Variants in C8B observed in about 807,000 individuals in gnomAD.
C8B encodes complement component C8 beta chain.
In C8B, 67 loss-of-function variants were observed where a neutral mutation model predicts 64.6. The ratio of observed to expected loss-of-function variants is 1.04; its 90% CI spans 0.85 to 1.27. The LOEUF is 1.27. C8B is among the 50% of genes most tolerant of loss of function. The pLI, the probability that C8B is intolerant of heterozygous loss-of-function variation, is 0.00. For missense variants in C8B, 790 were observed against 725.2 expected (o/e 1.09, Z -1.03); for synonymous variants, 284 against 257.7 (o/e 1.10, Z -0.98).
chr1:56,949,134 A>G (rs566622264), intron 6 of C8B, among the ~76,000 whole-genome samples: 12 of 152,270 alleles, frequency 7.9e-5, no homozygotes, highest in African/African-American at 2.4e-4. Context: ...TATATCTGGA[A>G]TGTCCCCTCC....
In C8B at chr1:56,929,216, C is replaced by CT; in HGVS notation, c.*187dup. The CT allele has an allele frequency of 1.5e-6, 1 of 646,120 alleles. No homozygotes were observed. The highest frequency in any genetic ancestry group is 2.8e-6 in the Non-Finnish European group (1 of 361,008). 40.0% of individuals were successfully genotyped at this position (646,120 alleles called of 1,614,324 possible). On this transcript the variant is annotated 3_prime_UTR_variant, in exon 12 of 12. Transcript: ENST00000371237. Reference sequence around the variant, plus strand: ...GTGAGGATTACAAAGATGCTTAAGCCTTTAACTCAGTATTTATTTAAATCA... The same window carrying CT: ...GTGAGGATTACAAAGATGCTTAAGCCTTTTAACTCAGTATTTATTTAAATCA...
intron 4 of C8B, among the ~76,000 whole-genome samples, chr1:56,954,430 G>T (rs1479719043): frequency 1.3e-5 from 2 of 152,194 alleles, no homozygotes; most frequent in Non-Finnish European, 2.9e-5. Context: ...AGCCTGTGTG[G>T]TTTCCACACA....
intron 2 of C8B, chr1:56,959,727 G>T: frequency 3.2e-6 from 3 of 923,726 alleles, no homozygotes; most frequent in Non-Finnish European, 4.9e-6. Context: ...CACTATGATT[G>T]CTTCCCCTGT....
At chr1:56,961,914 G>T (rs916516716) in intron 1 of C8B, among the ~76,000 whole-genome samples, 1 of 152,166 alleles carries the variant, frequency 6.6e-6, no homozygotes, top group Non-Finnish European at 1.5e-5. Context: ...CTACACACCA[G>T]TGGGGGGCTT....
intron 7 of C8B, 80 bp from the exon 8 acceptor site, chr1:56,943,904 C>T: frequency 6.5e-7 from 1 of 1,538,354 alleles, no homozygotes; most frequent in Middle Eastern, 1.7e-4. Context: ...GTCCAGAGGC[C>T]TAGCCCTGTT....
intron 10 of C8B, among the ~76,000 whole-genome samples, chr1:56,932,680 C>T (rs1428741151): frequency 2.0e-5 from 3 of 152,172 alleles, no homozygotes; most frequent in East Asian, 1.9e-4. Flanking sequence ...AGACATATTC[C>T]TCAATCCCAG....
chr1:56,937,504 C>T (rs1644792099), intron 9 of C8B, among the ~76,000 whole-genome samples: 1 of 152,124 alleles, frequency 6.6e-6, no homozygotes, highest in Admixed American at 6.5e-5. Flanking sequence ...CTGCCCTGGG[C>T]AATGCCAATA....
intron 5 of C8B, among the ~76,000 whole-genome samples, chr1:56,951,298 G>T (rs566834269): frequency 1.3e-5 from 2 of 152,012 alleles, no homozygotes; most frequent in Non-Finnish European, 2.9e-5. Context: ...TTCTAGTCTC[G>T]TCCCCCAGTT....
intron 2 of C8B, among the ~76,000 whole-genome samples, chr1:56,957,146 G>A (rs1000787260): frequency 9.2e-5 from 14 of 152,112 alleles, no homozygotes; most frequent in Non-Finnish European, 1.5e-5. Context: ...CTCTCTGAGG[G>A]CAGGGACCTT....
chr1:56,953,628 T>G (rs1447699683), intron 4 of C8B, among the ~76,000 whole-genome samples: 1 of 152,216 alleles, frequency 6.6e-6, no homozygotes, highest in African/African-American at 2.4e-5. Context: ...GTTAGTCACA[T>G]TCACTTGTTC....
intron 11 of C8B, among the ~76,000 whole-genome samples, chr1:56,930,754 GGTT>G (rs1178944070): frequency 6.6e-6 from 1 of 152,118 alleles, no homozygotes; most frequent in Non-Finnish European, 1.5e-5. Context: ...TACTTCATGG[GGTT>G]GTTGTGAGGA....
chr1:56,957,638 A>C (rs1017247200), intron 2 of C8B, among the ~76,000 whole-genome samples: 2 of 152,100 alleles, frequency 1.3e-5, no homozygotes, highest in Non-Finnish European at 1.5e-5. Flanking sequence ...CATCTTATGC[A>C]TTTATTCCAA....
At chr1:56,933,857 G>A (rs980069515) in intron 9 of C8B, among the ~76,000 whole-genome samples, 3 of 152,202 alleles carry the variant, frequency 2.0e-5, no homozygotes, top group Admixed American at 1.3e-4. Flanking sequence ...AAAGAAGCAG[G>A]TGAGAGCAGA....
At position 56,933,203 on chromosome 1, in the gene C8B, G is replaced by A. The variant is rs184948737; in HGVS notation, c.1552+132C>T. ...CTTGGGGCTAGAACCCAGGTATACT[G>A]ACAGCCAGAGTAGTATCTCCCAGTG... On this transcript the variant is annotated intron_variant, in intron 10 of 11. Transcript: ENST00000371237. 6.2e-6 allele frequency: 5 copies of A among 802,746 alleles called. No homozygotes were observed. The African/African-American group carries it at 6.7e-5, about 11-fold the overall frequency. 49.7% of individuals were successfully genotyped at this position (802,746 alleles called of 1,614,324 possible).
Position 56,929,513 on chromosome 1 carries a change from G to A in C8B, c.1667C>T (p.Ser556Leu). The change falls in exon 12 of 12, where the codon TCA becomes TTA. Residue 556 changes from serine to leucine, a missense_variant. Transcript: ENST00000371237. ...GKWNCWSNWS[S>L]CSGRRKTRQR... is the part of the protein sequence containing the mutation. ...TCTTGTCTTACGTCTTCCAGAGCAT[G>A]AAGACCAATTTGACCAGCAATTCCA... is the stretch of plus-strand genomic sequence containing the variant. 6.2e-7 allele frequency: 1 copy of A among 1,613,916 alleles called. No individual in the cohort carries two copies. The highest frequency in any genetic ancestry group is 8.5e-7 in the Non-Finnish European group (1 of 1,179,892).
chr1:56,952,169 A>T lies in C8B; in HGVS notation c.545T>A (p.Phe182Tyr). The change falls in exon 5 of 12, where the codon TTC becomes TAC. Residue 182 changes from phenylalanine to tyrosine, a missense_variant. Physicochemically the swap from Phe to Tyr is conservative, Grantham distance 22. Coordinates refer to ENST00000371237, the MANE Select transcript of C8B (RefSeq NM_000066.4). ...IGSLASGINL[F>Y]TNSFEGPVLD... Reference sequence around the variant, plus strand: ...AACTGGGCCCTCAAAACTGTTTGTGAACAAATTTATCCTGTGAGGAAGAGA... The same window carrying T: ...AACTGGGCCCTCAAAACTGTTTGTGTACAAATTTATCCTGTGAGGAAGAGA... 6.2e-7 allele frequency: 1 copy of T among 1,614,198 alleles called. No homozygotes were observed. Among genetic ancestry groups the T allele is most frequent in the Non-Finnish European group, 8.5e-7 (1 of 1,180,014 alleles).
chr1:56,952,109 G>T lies in C8B; in HGVS notation c.605C>A (p.Pro202Gln). Residue 202 changes from proline to glutamine, a missense_variant, in exon 5 of 12, where the codon CCG becomes CAG. Pro to Gln is a moderately conservative substitution (Grantham distance 76). Coordinates refer to ENST00000371237, the MANE Select transcript of C8B (RefSeq NM_000066.4). ...AAACCTCGTGTTCAGGATGTAATGC[G>T]GGGAGCATCCACCTGCATAATACCT... ...DHRYYAGGCS[P>Q]HYILNTRFRK... is the part of the protein sequence containing the mutation. The T allele has an allele frequency of 6.2e-7, 1 of 1,614,100 alleles. No individual in the cohort carries two copies. Among genetic ancestry groups the T allele is most frequent in the South Asian group, 1.1e-5 (1 of 91,082 alleles).
chr1:56,939,582 T>C (rs1038125588), intron 9 of C8B, among the ~76,000 whole-genome samples: 3 of 152,206 alleles, frequency 2.0e-5, no homozygotes, highest in Non-Finnish European at 2.9e-5. Flanking sequence ...TAAGACGTGC[T>C]ATGGGCCCTG....
intron 2 of C8B, 62 bp downstream of exon 2, chr1:56,959,958 C>A: frequency 6.3e-7 from 1 of 1,593,302 alleles, no homozygotes; most frequent in Non-Finnish European, 8.6e-7. Context: ...AATGGCTCAG[C>A]CGATCTTGCT....
Sources: gnomAD v4.1 joint callset for allele counts (sites outside exome capture counted in the v4.1 genomes callset) on GRCh38, gnomAD v4.1.1 for gene constraint, MANE v1.5 for transcripts, NCBI Gene and HGNC (gene_info 2026-07-23, HGNC 2026-07-21) for gene names.